Variants in PTPRA observed in about 807,000 individuals in gnomAD.
PTPRA encodes the protein receptor-type tyrosine-protein phosphatase alpha.
PTPRA carries 25 observed loss-of-function variants against 104.8 expected under a neutral mutation model. The ratio of observed to expected loss-of-function variants is 0.24; its 90% CI spans 0.17 to 0.33. The LOEUF (loss-of-function observed/expected upper bound fraction) is 0.33. Among genes scored for constraint, PTPRA ranks in the 10% least tolerant of loss-of-function variants. The pLI is 1.00. For synonymous variants in PTPRA, 323 were observed against 368.9 expected, an observed-to-expected ratio of 0.88 and a Z score of 1.43; for missense variants, 765 against 1,015.3, an observed-to-expected ratio of 0.75 and a Z score of 3.35.
At position 2,950,532 on chromosome 20, in the gene PTPRA, A is replaced by T. The variant is rs2061317904; in HGVS notation, c.-7+2508A>T. ...GTGGCAGGCACCTGTAGTCCCAGCT[A>T]CTCAGAAGGCTGAGGCAGGAGAATG... On this transcript the variant is annotated intron_variant, in intron 3 of 23. Transcript: ENST00000399903. This position sits in a 1 kb window ranked among gnomAD's most constrained non-coding sequence, Gnocchi z 4.0. Among the ~76,000 whole-genome samples, 1 of 151,720 alleles carries T rather than the reference A, an allele frequency of 6.6e-6. No individual in the cohort carries two copies. Among genetic ancestry groups the T allele is most frequent in the South Asian group, 2.1e-4 (1 of 4,808 alleles).
In PTPRA at chr20:2,988,111, G is replaced by T. The variant is rs1387577358; in HGVS notation, c.601+6G>T. 1.9e-6 allele frequency: 3 copies of T among 1,569,654 alleles called. No individual in the cohort carries two copies. The highest frequency in any genetic ancestry group is 2.2e-5 in the South Asian group (2 of 90,144). On this transcript the variant is annotated splice_donor_region_variant and intron_variant, in intron 8 of 23. Coordinates refer to ENST00000399903, the MANE Select transcript of PTPRA (RefSeq NM_001385305.1). ...CGGCCGCACTGAGGATGTGGGTAAG[G>T]CATTCCTTAATGTCATGGGGAACCT...
chr20:2,923,958 G>A (rs988004846), intron 2 of PTPRA, among the ~76,000 whole-genome samples: 7 of 152,060 alleles, frequency 4.6e-5, no homozygotes, highest in Non-Finnish European at 1.0e-4. Flanking sequence ...AAACATACAC[G>A]TATCTAATAA....
At chr20:2,980,963 GT>G (rs1361568603) in intron 6 of PTPRA, among the ~76,000 whole-genome samples, 1 of 152,104 alleles carries the variant, frequency 6.6e-6, no homozygotes, top group Non-Finnish European at 1.5e-5. Flanking sequence ...GCAGGGTGCA[GT>G]TATCCTCTAG....
intron 22 of PTPRA, 98 bp downstream of exon 22, chr20:3,036,039 G>A: frequency 1.9e-6 from 3 of 1,571,806 alleles, no homozygotes; most frequent in Non-Finnish European, 2.6e-6. Flanking sequence ...AGCCATACAA[G>A]AGCAAGATAT....
At chr20:2,945,786 A>G (rs1459112730) in intron 2 of PTPRA, among the ~76,000 whole-genome samples, 1 of 151,800 alleles carries the variant, frequency 6.6e-6, no homozygotes, top group Non-Finnish European at 1.5e-5. Context: ...AAAATTAGCC[A>G]GACGTGGTGG....
intron 2 of PTPRA, among the ~76,000 whole-genome samples, chr20:2,930,738 C>T (rs2147499056): frequency 6.6e-6 from 1 of 152,258 alleles, no homozygotes; most frequent in East Asian, 1.9e-4. Flanking sequence ...TAGGGGCCCA[C>T]AGTACTCCAG....
intron 6 of PTPRA, among the ~76,000 whole-genome samples, chr20:2,984,023 G>A (rs2062800007): frequency 6.6e-6 from 1 of 151,834 alleles, no homozygotes; most frequent in Non-Finnish European, 1.5e-5. Context: ...GGGCAGACGA[G>A]ATAGAAGGAA....
intron 2 of PTPRA, among the ~76,000 whole-genome samples, chr20:2,947,681 AG>A (rs780265903): frequency 6.6e-6 from 1 of 152,208 alleles, no homozygotes; most frequent in Non-Finnish European, 1.5e-5. Flanking sequence ...GACTGTGTTT[AG>A]CTCAGCAGGA....
intron 1 of PTPRA, among the ~76,000 whole-genome samples, chr20:2,886,585 C>T (rs2090396873): frequency 6.6e-6 from 1 of 151,872 alleles, no homozygotes; most frequent in Non-Finnish European, 1.5e-5. Flanking sequence ...TGACTCACAC[C>T]TGTAATCCCA....
At chr20:2,972,547 A>G (rs2044597256) in intron 5 of PTPRA, among the ~76,000 whole-genome samples, 2 of 152,094 alleles carry the variant, frequency 1.3e-5, no homozygotes. Context: ...TCTATTTGAT[A>G]TTATTTCTTA....
At chr20:2,864,631 C>G in the PTPRA span, 1 of 1,614,076 alleles carries the variant, frequency 6.2e-7, no homozygotes, top group South Asian at 1.1e-5. This position sits in a 1 kb window ranked among gnomAD's most constrained non-coding sequence, Gnocchi z 5.2. Flanking sequence ...CTTCCACATC[C>G]GAGCCAGCTA....
rs1435577828 is a variant in PTPRA, at chr20:3,022,732, A to G, written c.1372A>G (p.Met458Val). 1 of 1,614,224 alleles carries G rather than the reference A, an allele frequency of 6.2e-7. No homozygotes were observed. The highest frequency in any genetic ancestry group is 8.5e-7 in the Non-Finnish European group (1 of 1,180,040). Residue 458 changes from methionine to valine, a missense_variant, in exon 16 of 24, where the codon ATG becomes GTG. This residue lies in a region of PTPRA where 245 missense variants were observed against 398.7 expected (regional missense o/e 0.61). Transcript: ENST00000399903. The surrounding 1 kb of genome is among the most constrained non-coding windows in gnomAD (Gnocchi z 4.6). ...RTGTFVVIDA[M>V]LDMMHTERKV... is the part of the protein sequence containing the mutation. ...AGGTACCTTTGTCGTCATTGATGCC[A>G]TGCTGGACATGATGCATACAGAACG...
intron 1 of PTPRA, among the ~76,000 whole-genome samples, chr20:2,879,033 T>G (rs546363942): frequency 4.0e-4 from 61 of 152,356 alleles, no homozygotes; most frequent in African/African-American, 1.4e-3. Flanking sequence ...TGCCGGAAGC[T>G]GGGGACACCC....
chr20:3,022,851 G>T lies in PTPRA; in HGVS notation c.1464+27G>T, dbSNP rs2064947136. 6.2e-7 allele frequency: 1 copy of T among 1,613,906 alleles called. No homozygotes were observed. Among genetic ancestry groups the T allele is most frequent in the Non-Finnish European group, 8.5e-7 (1 of 1,179,938 alleles). ...TGAGTGATCTGTGGGTCAGGTGAGG[G>T]TGGGGGGTTCCAGGACTAAAACATC... On this transcript the variant is annotated intron_variant, in intron 16 of 23. Transcript: ENST00000399903. This position sits in a 1 kb window ranked among gnomAD's most constrained non-coding sequence, Gnocchi z 4.6.
chr20:2,988,130 G>A (rs747619088), intron 8 of PTPRA, 25 bp downstream of exon 8: 1 of 1,548,942 alleles, frequency 6.5e-7, no homozygotes, highest in Non-Finnish European at 8.9e-7. Flanking sequence ...AATGTCATGG[G>A]GAACCTTCAC....
At chr20:2,965,836 G>A (rs550021748) in intron 5 of PTPRA, among the ~76,000 whole-genome samples, 3 of 152,316 alleles carry the variant, frequency 2.0e-5, no homozygotes, top group Admixed American at 6.5e-5. Flanking sequence ...AATCAGAGAC[G>A]TGGATCTGAG....
chr20:2,927,800 A>G (rs2060358330), intron 2 of PTPRA, among the ~76,000 whole-genome samples: 1 of 152,122 alleles, frequency 6.6e-6, no homozygotes, highest in African/African-American at 2.4e-5. Flanking sequence ...ACTTGAGGCC[A>G]GGAGTTCAAG....
intron 11 of PTPRA, among the ~76,000 whole-genome samples, chr20:3,009,119 C>T (rs1396985843): frequency 6.6e-6 from 1 of 152,076 alleles, no homozygotes; most frequent in African/African-American, 2.4e-5. Context: ...CCCGTGTGCT[C>T]ATGGTTGTGT....
intron 1 of PTPRA, among the ~76,000 whole-genome samples, chr20:2,914,633 T>G (rs2059835000): frequency 6.6e-6 from 1 of 152,088 alleles, no homozygotes; most frequent in African/African-American, 2.4e-5. Flanking sequence ...TCAATCCCCT[T>G]GAATGTGCCC....
Sources: gnomAD v4.1 joint callset for allele counts (sites outside exome capture counted in the v4.1 genomes callset) on GRCh38, gnomAD v4.1.1 for gene constraint, gnomAD v4.1.1 regional missense constraint, Gnocchi (gnomAD v3.1) non-coding constraint, MANE v1.5 for transcripts, NCBI Gene and HGNC (gene_info 2026-07-23, HGNC 2026-07-21) for gene names.